Variants in DAB1 observed in about 807,000 individuals in gnomAD.
DAB1 encodes the protein DAB adaptor protein 1.
Under a neutral mutation model 64.6 loss-of-function variants are expected in DAB1, and 15 were observed. That is an observed-to-expected ratio of 0.23 (90% CI 0.16 to 0.36). The LOEUF (loss-of-function observed/expected upper bound fraction) is 0.36, where lower values mean the gene tolerates loss of function less well. Among genes scored for constraint, DAB1 ranks in the 10% least tolerant of loss-of-function variants. The probability of loss-of-function intolerance (pLI) is 1.00; values close to 1 mark genes in which losing one functional copy is unlikely to be tolerated. For synonymous variants in DAB1, 235 were observed against 251.9 expected, an observed-to-expected ratio of 0.93 and a Z score of 0.64; for missense variants, 596 against 706.7, an observed-to-expected ratio of 0.84 and a Z score of 1.78.
intron 1 of DAB1, among the ~76,000 whole-genome samples, chr1:57,303,817 T>C (rs947007275): frequency 2.0e-5 from 3 of 152,106 alleles, no homozygotes; most frequent in Non-Finnish European, 4.4e-5. Context: ...TACCCAGGAT[T>C]CTTCCTGTTA....
In DAB1 at chr1:57,008,632, C is replaced by T. The variant is rs554282632; in HGVS notation, c.*15+2048G>A. Reference sequence around the variant, plus strand: ...AATAATTATAAAATCACAGCAGTGTCACATAGCCAGGAAGTGGTGGAGCCA... The same window carrying T: ...AATAATTATAAAATCACAGCAGTGTTACATAGCCAGGAAGTGGTGGAGCCA... On this transcript the variant is annotated intron_variant, in intron 14 of 14. Coordinates refer to ENST00000371236, the MANE Select transcript of DAB1 (RefSeq NM_001365792.1). Among the ~76,000 whole-genome samples, 16 of 152,280 alleles carry T rather than the reference C, an allele frequency of 1.1e-4. No homozygotes were observed. In the South Asian group the frequency reaches 3.3e-3, roughly 32 times the overall value.
intron 7 of DAB1, among the ~76,000 whole-genome samples, chr1:57,493,833 A>G (rs576986626): frequency 3.7e-4 from 56 of 152,006 alleles, no homozygotes; most frequent in African/African-American, 1.3e-3. Flanking sequence ...CACCCCACTG[A>G]AAGAGCCAAT....
chr1:58,490,954 C>T (rs1312878442), intron 3 of DAB1, among the ~76,000 whole-genome samples: 7 of 151,422 alleles, frequency 4.6e-5, no homozygotes, highest in African/African-American at 9.7e-5. Context: ...TACAGGCACC[C>T]GCTACCAAGC....
chr1:57,247,597 G>T (rs187852988), intron 2 of DAB1, among the ~76,000 whole-genome samples: 2 of 152,300 alleles, frequency 1.3e-5, no homozygotes, highest in Admixed American at 1.3e-4. Flanking sequence ...GATGTAGTAG[G>T]TTGCTATGGA....
At chr1:57,601,819 T>G (rs1382597073) in intron 7 of DAB1, among the ~76,000 whole-genome samples, 1 of 152,156 alleles carries the variant, frequency 6.6e-6, no homozygotes, top group Non-Finnish European at 1.5e-5. Flanking sequence ...AAACACACTA[T>G]TTTTGTGTGT....
chr1:57,844,268 A>G (rs1653180275), intron 1 of DAB1, among the ~76,000 whole-genome samples: 1 of 152,182 alleles, frequency 6.6e-6, no homozygotes, highest in Admixed American at 6.5e-5. Flanking sequence ...GTATATTATG[A>G]TGGGTTGCAG....
rs1487267771 is a variant in DAB1 at position 58,332,818 on chromosome 1, A to G, written n.309+10534T>C. ...TTCTCTCTCACTCTTTCAGGTTGTC[A>G]GCTTTATTTTCTCTCATACTTTCAT... On this transcript the variant is annotated intron_variant and non_coding_transcript_variant, in intron 4 of 20. Transcript: ENST00000485760. 2.0e-5 allele frequency among the ~76,000 whole-genome samples: 3 copies of G among 152,216 alleles called. No individual in the cohort carries two copies. In the East Asian group the frequency reaches 5.8e-4, roughly 29 times the overall value.
chr1:57,133,530 G>A (rs1374673314), intron 4 of DAB1, among the ~76,000 whole-genome samples: 1 of 152,130 alleles, frequency 6.6e-6, no homozygotes, highest in Non-Finnish European at 1.5e-5. Context: ...GTATCTAAAT[G>A]TATGAACAGC....
intron 5 of DAB1, among the ~76,000 whole-genome samples, chr1:58,061,585 C>T (rs755126062): frequency 5.4e-4 from 82 of 152,296 alleles, no homozygotes; most frequent in Non-Finnish European, 9.3e-4. Context: ...AATGGCTTCT[C>T]TTAACTAACT....
intron 3 of DAB1, among the ~76,000 whole-genome samples, chr1:58,383,904 G>T (rs934394408): frequency 2.0e-5 from 3 of 152,208 alleles, no homozygotes; most frequent in African/African-American, 7.2e-5. Flanking sequence ...CCAGAAGTGA[G>T]ATTGCTAGAT....
intron 6 of DAB1, among the ~76,000 whole-genome samples, chr1:57,747,924 G>A (rs1346790175): frequency 2.0e-5 from 3 of 151,574 alleles, no homozygotes; most frequent in African/African-American, 7.3e-5. Flanking sequence ...GGAAGGCTGA[G>A]CAGGAAGTTT....
chr1:57,848,539 AC>A (rs1444401270), intron 1 of DAB1, among the ~76,000 whole-genome samples: 1 of 152,220 alleles, frequency 6.6e-6, no homozygotes, highest in Non-Finnish European at 1.5e-5. Flanking sequence ...CTACTGAGTC[AC>A]AGCCTTGTGA....
intron 2 of DAB1, among the ~76,000 whole-genome samples, chr1:57,272,065 A>G (rs911985496): frequency 6.6e-6 from 1 of 152,180 alleles, no homozygotes; most frequent in African/African-American, 2.4e-5. Flanking sequence ...AGCAAAGATA[A>G]ATAACTCTGG....
intron 5 of DAB1, among the ~76,000 whole-genome samples, chr1:58,108,048 T>A (rs1651765396): frequency 6.6e-6 from 1 of 152,162 alleles, no homozygotes; most frequent in African/African-American, 2.4e-5. Flanking sequence ...AGAGAGAAAG[T>A]TGCTGTGAGA....
intron 3 of DAB1, among the ~76,000 whole-genome samples, chr1:58,396,614 CAAAG>C (rs376863639): frequency 2.0e-5 from 3 of 151,376 alleles, no homozygotes; most frequent in African/African-American, 7.3e-5. Context: ...CATGCAGAGA[CAAAG>C]AGAGAAGCAG....
chr1:57,949,656 G>A (rs1645242160), intron 5 of DAB1, among the ~76,000 whole-genome samples: 1 of 152,084 alleles, frequency 6.6e-6, no homozygotes, highest in Non-Finnish European at 1.5e-5. Flanking sequence ...CCTACTGTAT[G>A]TGGTCTTCTG....
chr1:57,475,192 G>A (rs763965360), intron 7 of DAB1, among the ~76,000 whole-genome samples: 84 of 152,250 alleles, frequency 5.5e-4, no homozygotes, highest in Admixed American at 9.2e-4. Context: ...CAGGAGAATC[G>A]CTTGAACCCA....
At chr1:58,275,773 C>G (rs1661429394) in intron 4 of DAB1, among the ~76,000 whole-genome samples, 1 of 152,124 alleles carries the variant, frequency 6.6e-6, no homozygotes, top group African/African-American at 2.4e-5. Context: ...GGTGGTTCCT[C>G]AAAAGTTAAA....
intron 7 of DAB1, among the ~76,000 whole-genome samples, chr1:57,521,443 GT>G (rs56887634): frequency 2.9e-4 from 43 of 149,862 alleles, no homozygotes; most frequent in African/African-American, 9.0e-4. Context: ...TGAACGACAA[GT>G]TTTTTTTTTG....
Sources: allele counts gnomAD v4.1 joint callset (sites outside exome capture counted in the v4.1 genomes callset), GRCh38; gene constraint gnomAD v4.1.1; transcripts MANE v1.5; gene names NCBI Gene and HGNC (gene_info 2026-07-23, HGNC 2026-07-21).